Variants in SLC47A1 observed in about 807,000 individuals in gnomAD.
SLC47A1 encodes the protein solute carrier family 47 member 1, also known as multidrug and toxin extrusion protein 1.
In SLC47A1, 58 loss-of-function variants were observed where a neutral mutation model predicts 65.8. The ratio of observed to expected loss-of-function variants is 0.88; its 90% confidence interval spans 0.71 to 1.10. The LOEUF is 1.10. SLC47A1 is among the 50% of genes least tolerant of loss of function. The probability of loss-of-function intolerance (pLI) is 0.00; values close to 1 mark genes in which losing one functional copy is unlikely to be tolerated. For missense variants in SLC47A1, 706 were observed against 719.2 expected, an observed-to-expected ratio of 0.98 and a Z score of 0.21; for synonymous variants, 285 against 295.0, an observed-to-expected ratio of 0.97 and a Z score of 0.35.
chr17:19,561,546 G>C (rs1397046970), intron 12 of SLC47A1, among the ~76,000 whole-genome samples: 2 of 151,594 alleles, frequency 1.3e-5, no homozygotes, highest in Non-Finnish European at 2.9e-5. Context: ...GGGAGGCTGA[G>C]GTAGGAGAAT....
chr17:19,542,344 C>T, intron 1 of SLC47A1, 49 bp from the exon 2 acceptor site: 1 of 1,433,256 alleles, frequency 7.0e-7, no homozygotes, highest in Non-Finnish European at 9.4e-7. Flanking sequence ...CCCAGGCTTC[C>T]CTGCAATGGT....
rs1378877435 is a variant in SLC47A1 at position 19,551,414 on chromosome 17, T to C, written c.499-10T>C. On this transcript the variant is annotated splice_polypyrimidine_tract_variant and intron_variant, in intron 5 of 16. Coordinates refer to ENST00000270570, the MANE Select transcript of SLC47A1 (RefSeq NM_018242.3). ...AAACATTAACATTCATCTCTCTTGT[T>C]CTCTTGTAGGCAACCTTTCTTTATA... 6.2e-7 allele frequency: 1 copy of C among 1,600,194 alleles called. No homozygotes were observed. Among genetic ancestry groups the C allele is most frequent in the African/African-American group, 1.3e-5 (1 of 74,772 alleles).
chr17:19,572,896 T>C (rs747821366), intron 16 of SLC47A1, 35 bp downstream of exon 16: 3 of 1,595,028 alleles, frequency 1.9e-6, no homozygotes, highest in African/African-American at 1.3e-5. Flanking sequence ...TGGACAGGCC[T>C]GTCTAGGTAG....
In SLC47A1 at chr17:19,554,981, T is replaced by C. The variant is rs144821119; in HGVS notation, c.544-231T>C. ...TGCTGCTGAACATATCTTGCCTGTGTCTCTCTGTGGCCAGAACTCCGCACT... is the reference window on the plus strand; with the variant it reads ...TGCTGCTGAACATATCTTGCCTGTGCCTCTCTGTGGCCAGAACTCCGCACT... On this transcript the variant is annotated intron_variant, in intron 6 of 16. Coordinates refer to ENST00000270570, the MANE Select transcript of SLC47A1 (RefSeq NM_018242.3). 3.8e-3 allele frequency among the ~76,000 whole-genome samples: 586 copies of C among 152,226 alleles called. 5 individuals carry two copies. Among genetic ancestry groups the C allele is most frequent in the African/African-American group, 0.013 (552 of 41,522 alleles).
At chr17:19,569,966 G>A (rs927000730) in intron 14 of SLC47A1, among the ~76,000 whole-genome samples, 3 of 152,130 alleles carry the variant, frequency 2.0e-5, no homozygotes, top group Non-Finnish European at 2.9e-5. Flanking sequence ...GAGCAGGCTA[G>A]GCTGGGCGTA....
chr17:19,553,742 A>T (rs537922404), intron 6 of SLC47A1, among the ~76,000 whole-genome samples: 2 of 152,042 alleles, frequency 1.3e-5, no homozygotes, highest in Non-Finnish European at 2.9e-5. Context: ...GGGTTTTACC[A>T]TGTTGGCCAG....
intron 12 of SLC47A1, among the ~76,000 whole-genome samples, chr17:19,562,564 C>CAA (rs35648662): frequency 4.7e-4 from 65 of 138,714 alleles, no homozygotes; most frequent in African/African-American, 1.5e-3. Context: ...GACTCTGTCT[C>CAA]AAAAAAAAAA....
chr17:19,555,092 C>G (rs1273690124), intron 6 of SLC47A1, 120 bp from the exon 7 acceptor site: 1 of 850,412 alleles, frequency 1.2e-6, no homozygotes. Flanking sequence ...CAGTTAAGCC[C>G]CCCAGCTATG....
At chr17:19,566,070 A>C (rs753058718) in intron 12 of SLC47A1, among the ~76,000 whole-genome samples, 6 of 152,214 alleles carry the variant, frequency 3.9e-5, no homozygotes, top group Non-Finnish European at 8.8e-5. Context: ...TTGGTATCAC[A>C]GTGCTAGTAA....
chr17:19,534,103 G>T, intron 1 of SLC47A1, 29 bp downstream of exon 1: 1 of 1,497,102 alleles, frequency 6.7e-7, no homozygotes, highest in Non-Finnish European at 8.9e-7. Flanking sequence ...GTGGCAGGCC[G>T]GTACCGGCGG....
intron 14 of SLC47A1, among the ~76,000 whole-genome samples, chr17:19,568,995 G>A (rs2152317008): frequency 6.6e-6 from 1 of 152,060 alleles, no homozygotes; most frequent in South Asian, 2.1e-4. Context: ...AAGTATCTGG[G>A]ATTACAGGCA....
At chr17:19,551,388 G>A (rs749474409) in intron 5 of SLC47A1, 36 bp from the exon 6 acceptor site, 4 of 1,572,010 alleles carry the variant, frequency 2.5e-6, no homozygotes, top group South Asian at 2.2e-5. Flanking sequence ...TGGCAAGGCT[G>A]AAACATTAAC....
intron 1 of SLC47A1, 158 bp downstream of exon 1, chr17:19,534,232 G>A (rs1279614125): frequency 3.2e-6 from 3 of 946,054 alleles, no homozygotes; most frequent in East Asian, 3.3e-5. Context: ...GGGCACCCCA[G>A]CTCCTCTGCC....
At chr17:19,567,284 C>G in intron 14 of SLC47A1, 56 bp downstream of exon 14, 1 of 1,610,026 alleles carries the variant, frequency 6.2e-7, no homozygotes, top group South Asian at 1.1e-5. Flanking sequence ...AGGAAATGAC[C>G]GTCGGAGCAC....
chr17:19,566,841 C>T lies in SLC47A1; in HGVS notation c.1158C>T (p.His386=). The change falls in exon 13 of 17, where the codon CAC becomes CAT. Residue 386 remains histidine (H), a synonymous_variant. Coordinates refer to ENST00000270570, the MANE Select transcript of SLC47A1 (RefSeq NM_018242.3). ...TGGTTCCAATTTATGCTGTTTCCCA[C>T]CTCTTTGAAGCTCTTGCTGTAAGTA... ...AQVVPIYAVS[H]LFEALACTSG... 1 of 1,614,182 alleles carries T rather than the reference C, an allele frequency of 6.2e-7. No homozygotes were observed. Among genetic ancestry groups the T allele is most frequent in the Non-Finnish European group, 8.5e-7 (1 of 1,180,030 alleles).
At chr17:19,574,111 T>C (rs569039273) in intron 16 of SLC47A1, among the ~76,000 whole-genome samples, 1 of 151,914 alleles carries the variant, frequency 6.6e-6, no homozygotes, top group African/African-American at 2.4e-5. Context: ...TTAGTGGATA[T>C]GGAGTTTCAC....
intron 12 of SLC47A1, 104 bp from the exon 13 acceptor site, chr17:19,566,686 A>T: frequency 9.6e-7 from 1 of 1,039,454 alleles, no homozygotes; most frequent in African/African-American, 1.6e-5. Flanking sequence ...CAGCCTCCCA[A>T]AGTGCTGAGA....
Position 19,577,344 on chromosome 17 carries a change from G to A in SLC47A1, c.1504G>A (p.Glu502Lys), listed in dbSNP as rs1186954186. ...PLHPGCPENL[E>K]GILTNDVGKT... ...CCTCCCAGGGTGCCCTGAAAACCTTGAAGGAATTTTAACGAACGATGTTGG... is the reference window on the plus strand; with the variant it reads ...CCTCCCAGGGTGCCCTGAAAACCTTAAAGGAATTTTAACGAACGATGTTGG... The change falls in exon 17 of 17, where the codon GAA (glutamate) becomes AAA (lysine). Residue 502 changes from glutamate to lysine, a missense_variant. Coordinates refer to ENST00000270570, the MANE Select transcript of SLC47A1 (RefSeq NM_018242.3). 1.2e-6 allele frequency: 2 copies of A among 1,614,062 alleles called. No individual in the cohort carries two copies. The highest frequency in any genetic ancestry group is 4.5e-5 in the East Asian group (2 of 44,872).
chr17:19,555,367 A>G, intron 7 of SLC47A1, 58 bp downstream of exon 7: 2 of 1,571,758 alleles, frequency 1.3e-6, no homozygotes, highest in South Asian at 1.1e-5. Flanking sequence ...TGGTTTTTCC[A>G]GGAGGGAGAA....
Sources: gnomAD v4.1 joint callset for allele counts (sites outside exome capture counted in the v4.1 genomes callset) on GRCh38, gnomAD v4.1.1 for gene constraint, MANE v1.5 for transcripts, NCBI Gene and HGNC (gene_info 2026-07-23, HGNC 2026-07-21) for gene names.